C9orf72: variants seen among roughly 807,000 people sequenced by gnomAD.
The protein encoded by C9orf72 is guanine nucleotide exchange factor C9orf72.
A neutral mutation model predicts 51.6 loss-of-function variants in C9orf72; 44 were observed. That is an observed-to-expected ratio of 0.85 (90% CI 0.67 to 1.10). The LOEUF (loss-of-function observed/expected upper bound fraction) is 1.10, where lower values mean the gene tolerates loss of function less well. C9orf72 is among the 50% of genes least tolerant of loss of function. The pLI, the probability that C9orf72 is intolerant of heterozygous loss-of-function variation, is 0.00. For missense variants in C9orf72, 607 were observed against 570.6 expected (o/e 1.06, Z -0.65); for synonymous variants, 213 against 194.2 (o/e 1.10, Z -0.81).
At chr9:27,553,442 C>A (rs1820949002) in intron 8 of C9orf72, among the ~76,000 whole-genome samples, 1 of 151,988 alleles carries the variant, frequency 6.6e-6, no homozygotes, top group Admixed American at 6.6e-5. Flanking sequence ...ACAAAGTTGA[C>A]AAAAAACAAG....
chr9:27,548,682 C>A lies in C9orf72; in HGVS notation c.1150-16G>T, dbSNP rs369969754. The A allele has an allele frequency of 7.1e-7, 1 of 1,409,396 alleles. No individual in the cohort carries two copies. Among genetic ancestry groups the A allele is most frequent in the African/African-American group, 1.4e-5 (1 of 70,824 alleles). The allele number at this position is 1,409,396 out of a possible 1,614,324, so 87.3% of individuals were successfully genotyped here. A position where few individuals can be genotyped will look rare whatever the true frequency, so the allele number is the denominator to read the frequency against. On this transcript the variant is annotated splice_polypyrimidine_tract_variant and intron_variant, in intron 9 of 10. Transcript: ENST00000380003. The stretch of plus-strand genomic sequence containing the variant: ...GCTGAAAGACCTGCAGGGAGAGGAA[C>A]CATTTCAACACATAATTTGCTCACA...
intron 1 of C9orf72, 24 bp from the exon 2 acceptor site, chr9:27,567,188 A>G (rs550636296): frequency 2.3e-6 from 3 of 1,313,090 alleles, no homozygotes; most frequent in African/African-American, 1.5e-5. Context: ...TATGAAACCA[A>G]TGATTAGGTT....
intron 1 of C9orf72, among the ~76,000 whole-genome samples, chr9:27,569,562 G>C (rs1001440691): frequency 2.0e-5 from 3 of 152,220 alleles, no homozygotes; most frequent in African/African-American, 7.2e-5. Flanking sequence ...AGGAGCAACA[G>C]ACTATACCAT....
chr9:27,560,227 C>T lies in C9orf72; in HGVS notation c.738G>A (p.Lys246=), dbSNP rs1322639865. The part of the protein sequence containing the change: ...VVGSSAEKVN[K]IVRTLCLFLT... The stretch of plus-strand genomic sequence containing the variant: ...TTTGCTAGATTATAAAATAAACTAC[C>T]TTATTTACTTTCTCTGCACTGCTAC... Residue 246 remains lysine, a splice_region_variant and synonymous_variant, in exon 6 of 11, where the codon AAG becomes AAA. Transcript: ENST00000380003. 1.9e-6 allele frequency: 3 copies of T among 1,592,416 alleles called. No homozygotes were observed. The Admixed American group carries it at 5.2e-5, about 28-fold the overall frequency.
chr9:27,567,072 T>A lies in C9orf72; in HGVS notation c.49A>T (p.Ile17Phe), dbSNP rs974933058. 1.9e-6 allele frequency: 3 copies of A among 1,613,990 alleles called. No homozygotes were observed. Among genetic ancestry groups the A allele is most frequent in the Non-Finnish European group, 2.5e-6 (3 of 1,179,884 alleles). ...AAAGGTGATTTGCCACTTAAAGCAA[T>A]CTCTGTCTTGGCAACAGCTGGAGAT... ...PPSPAVAKTEIALSGKSPLLA... is the reference protein window; with the variant it reads ...PPSPAVAKTEFALSGKSPLLA... The change falls in exon 2 of 11, where the codon ATT (isoleucine) becomes TTT (phenylalanine). Residue 17 changes from isoleucine to phenylalanine, a missense_variant. Physicochemically the swap from Ile to Phe is conservative, Grantham distance 21. Transcript: ENST00000380003.
At chr9:27,569,692 T>C (rs574017118) in intron 1 of C9orf72, among the ~76,000 whole-genome samples, 6 of 152,340 alleles carry the variant, frequency 3.9e-5, no homozygotes, top group South Asian at 2.1e-4. Flanking sequence ...TGTACTATAA[T>C]TGAAGACTTG....
chr9:27,562,242 C>G (rs1360424174), intron 4 of C9orf72, 139 bp downstream of exon 4: 4 of 370,648 alleles, frequency 1.1e-5, no homozygotes, highest in African/African-American at 8.4e-5. Context: ...TGCTTATTTG[C>G]TAAAGTGGCT....
intron 3 of C9orf72, among the ~76,000 whole-genome samples, chr9:27,565,208 A>C (rs1163462624): frequency 6.7e-6 from 1 of 149,702 alleles, no homozygotes; most frequent in Non-Finnish European, 1.5e-5. Context: ...AGGTTCGAGA[A>C]GTAGTACCTT....
At chr9:27,548,760 T>C (rs1820837697) in intron 9 of C9orf72, 94 bp from the exon 10 acceptor site, 3 of 705,734 alleles carry the variant, frequency 4.3e-6, no homozygotes, top group Non-Finnish European at 7.7e-6. Flanking sequence ...TGGCAGACAA[T>C]ACACACTAAA....
intron 3 of C9orf72, 152 bp downstream of exon 3, chr9:27,565,379 G>A (rs1192331649): frequency 1.2e-5 from 5 of 409,134 alleles, no homozygotes; most frequent in Middle Eastern, 3.1e-4. Context: ...TTAAGATATG[G>A]AAATCTTCCT....
In C9orf72 at chr9:27,565,576, AT is replaced by A; in HGVS notation, c.458del (p.Asn153MetfsTer7). ...RIWMHKERQE[N>X]VQKIILEGTE... ...TGCCTTCTAAGATAATCTTCTGGAC[AT>A]TTTCTTGTCTTTCCTGAGCAAGAGA... On this transcript the variant is annotated frameshift_variant, in exon 3 of 11. Coordinates refer to ENST00000380003, the MANE Select transcript of C9orf72 (RefSeq NM_018325.5). LOFTEE classifies it high-confidence loss of function. 6.2e-7 allele frequency: 1 copy of A among 1,604,442 alleles called. No homozygotes were observed. Among genetic ancestry groups the A allele is most frequent in the Non-Finnish European group, 8.5e-7 (1 of 1,174,262 alleles).
intron 1 of C9orf72, among the ~76,000 whole-genome samples, chr9:27,568,219 A>G (rs1406648909): frequency 1.3e-5 from 2 of 152,138 alleles, no homozygotes. Flanking sequence ...TGATGTTTAA[A>G]ACGACATTGA....
Position 27,567,104 on chromosome 9 carries a change from G to A in C9orf72, c.17C>T (p.Pro6Leu). ...CTTGGCAACAGCTGGAGATGGCGGT[G>A]GGCAAAGAGTCGACATCACTGCATT... The part of the protein sequence containing the change: MSTLC[P>L]PPSPAVAKTE... Residue 6 changes from proline to leucine, a missense_variant, in exon 2 of 11, where the codon CCA (proline) becomes CTA (leucine). Transcript: ENST00000380003. 1 of 1,613,174 alleles carries A rather than the reference G, an allele frequency of 6.2e-7. No homozygotes were observed. Among genetic ancestry groups the A allele is most frequent in the Non-Finnish European group, 8.5e-7 (1 of 1,179,412 alleles).
intron 5 of C9orf72, 29 bp downstream of exon 5, chr9:27,561,556 C>A (rs1405172551): frequency 1.2e-6 from 2 of 1,609,406 alleles, no homozygotes; most frequent in East Asian, 4.5e-5. Context: ...TCTGCTTCAT[C>A]CAGCTTTTAT....
intron 8 of C9orf72, among the ~76,000 whole-genome samples, chr9:27,553,404 C>A (rs917665723): frequency 1.3e-5 from 2 of 152,038 alleles, no homozygotes; most frequent in Non-Finnish European, 2.9e-5. Context: ...AGAAATAAAG[C>A]CACACACTTA....
rs934085054 is a variant in C9orf72, at chr9:27,560,557, T to C, written c.666-258A>G. 9 of 733,792 alleles carry C rather than the reference T, an allele frequency of 1.2e-5. No individual in the cohort carries two copies. The African/African-American group carries it at 1.5e-4, about 12-fold the overall frequency. The allele number at this position is 733,792 out of a possible 1,614,324, so 45.5% of individuals were successfully genotyped here. ...ATCATTTAATTAATGTATTTATTTATTGAAATACCATCATTTTATAGCTGA... is the reference window on the plus strand; with the variant it reads ...ATCATTTAATTAATGTATTTATTTACTGAAATACCATCATTTTATAGCTGA... On this transcript the variant is annotated intron_variant, in intron 5 of 10. Transcript: ENST00000380003.
At chr9:27,558,393 T>A (rs1819260095) in intron 7 of C9orf72, 98 bp downstream of exon 7, 2 of 733,674 alleles carry the variant, frequency 2.7e-6, no homozygotes, top group East Asian at 5.0e-5. Flanking sequence ...CATGTCAATA[T>A]GAGATACATT....
At chr9:27,550,539 C>A in intron 9 of C9orf72, 111 bp downstream of exon 9, 1 of 623,802 alleles carries the variant, frequency 1.6e-6, no homozygotes, top group Admixed American at 3.1e-5. Flanking sequence ...GAGCAGAACT[C>A]TGGGGCATGA....
intron 5 of C9orf72, 94 bp downstream of exon 5, chr9:27,561,491 A>T: frequency 1.3e-6 from 2 of 1,550,934 alleles, no homozygotes; most frequent in East Asian, 4.7e-5. Flanking sequence ...ATCTAAGTAG[A>T]CAGTCTGTTA....
Sources: allele counts gnomAD v4.1 joint callset (sites outside exome capture counted in the v4.1 genomes callset), GRCh38; gene constraint gnomAD v4.1.1; transcripts MANE v1.5; gene names NCBI Gene and HGNC (gene_info 2026-07-23, HGNC 2026-07-21).